PTPDC1: variants seen among roughly 807,000 people sequenced by gnomAD.
PTPDC1 encodes protein tyrosine phosphatase domain-containing protein 1.
A neutral mutation model predicts 75.3 loss-of-function variants in PTPDC1; 53 were observed. The ratio of observed to expected loss-of-function variants is 0.70; its 90% CI spans 0.56 to 0.88. The LOEUF is 0.88. Ranked by LOEUF, PTPDC1 falls within the 40% of genes least tolerant of loss-of-function variation. The pLI, the probability that PTPDC1 is intolerant of heterozygous loss-of-function variation, is 0.00. For missense variants in PTPDC1, 925 were observed against 998.6 expected (o/e 0.93, Z 0.99); for synonymous variants, 349 against 366.2 (o/e 0.95, Z 0.54).
chr9:94,050,489 T>C (rs577923011), intron 1 of PTPDC1, among the ~76,000 whole-genome samples: 2 of 152,246 alleles, frequency 1.3e-5, no homozygotes, highest in African/African-American at 4.8e-5. Context: ...CTCCAGACCC[T>C]GTTTGCCTGG....
chr9:94,106,544 A>C (rs1828030046), intron 8 of PTPDC1, among the ~76,000 whole-genome samples: 1 of 152,288 alleles, frequency 6.6e-6, no homozygotes, highest in African/African-American at 2.4e-5. Context: ...CCATGTGAAC[A>C]TGAAGCACAT....
chr9:94,095,822 T>A (rs898989619), intron 5 of PTPDC1, among the ~76,000 whole-genome samples: 1 of 152,142 alleles, frequency 6.6e-6, no homozygotes, highest in Non-Finnish European at 1.5e-5. Context: ...TCAAAAAAAA[T>A]TTTAAGATAT....
rs1315179170 is a variant in PTPDC1 at position 94,046,111 on chromosome 9, C to T, written c.-7+14984C>T. Among the ~76,000 whole-genome samples, 4 of 152,120 alleles carry T rather than the reference C, an allele frequency of 2.6e-5. No homozygotes were observed. In the East Asian group the frequency reaches 5.8e-4, roughly 22 times the overall value. Reference sequence around the variant, plus strand: ...ATTTATTAAATAGGGAATCCTTTCCCCATTGCTTGTTTTTGTCAGGTTTGT... The same window carrying T: ...ATTTATTAAATAGGGAATCCTTTCCTCATTGCTTGTTTTTGTCAGGTTTGT... On this transcript the variant is annotated intron_variant, in intron 1 of 9. Coordinates refer to the PTPDC1 transcript ENST00000375360.
chr9:94,051,181 C>T (rs1587848402), intron 1 of PTPDC1, among the ~76,000 whole-genome samples: 1 of 152,318 alleles, frequency 6.6e-6, no homozygotes, highest in East Asian at 1.9e-4. Context: ...ATGCCTCGCC[C>T]TGCTTCGGCT....
chr9:94,079,318 C>G (rs1481078655), intron 2 of PTPDC1, among the ~76,000 whole-genome samples: 1 of 152,204 alleles, frequency 6.6e-6, no homozygotes, highest in African/African-American at 2.4e-5. Flanking sequence ...CACTCTTTCC[C>G]TCTTCCACGA....
At chr9:94,064,376 ATAACT>A (rs935971555) in intron 1 of PTPDC1, among the ~76,000 whole-genome samples, 12 of 152,236 alleles carry the variant, frequency 7.9e-5, no homozygotes, top group South Asian at 2.1e-4. Flanking sequence ...GCACATAGAA[ATAACT>A]TAATAAGTAT....
At chr9:94,074,964 C>G (rs1826636548) in intron 2 of PTPDC1, among the ~76,000 whole-genome samples, 1 of 152,210 alleles carries the variant, frequency 6.6e-6, no homozygotes, top group African/African-American at 2.4e-5. Context: ...CAGGTCTCCA[C>G]TGGGTCCCAC....
rs1217629053 is a variant in PTPDC1, at chr9:94,095,352, G to C, written c.652G>C (p.Val218Leu). The C allele has an allele frequency of 6.2e-7, 1 of 1,612,124 alleles. No individual in the cohort carries two copies. The highest frequency in any genetic ancestry group is 1.1e-5 in the South Asian group (1 of 90,814). Residue 218 changes from valine (V) to leucine (L), a missense_variant, in exon 5 of 9, where the codon GTA (valine) becomes CTA (leucine). Transcript: ENST00000620992. ...CAATTTCGGATGGAAGGATTATGGT[G>C]TAGCGTCTCTTACTACTATCCTAGA... ...FYNFGWKDYGVASLTTILDMV... is the reference protein window; with the variant it reads ...FYNFGWKDYGLASLTTILDMV...
chr9:94,068,080 A>G (rs1260534083), intron 2 of PTPDC1, among the ~76,000 whole-genome samples: 1 of 152,034 alleles, frequency 6.6e-6, no homozygotes, highest in Non-Finnish European at 1.5e-5. Context: ...GATTTTTTTT[A>G]ATTAACAAGA....
intron 4 of PTPDC1, among the ~76,000 whole-genome samples, chr9:94,093,392 T>C (rs906460196): frequency 8.7e-5 from 13 of 149,012 alleles, no homozygotes; most frequent in Non-Finnish European, 1.5e-4. Context: ...TTCTTTTCTT[T>C]AAGAATGTTG....
chr9:94,059,814 C>G (rs962992943), intron 1 of PTPDC1, among the ~76,000 whole-genome samples: 3 of 152,092 alleles, frequency 2.0e-5, no homozygotes, highest in Non-Finnish European at 4.4e-5. Context: ...GTTTAATTAT[C>G]CCTAATGAAT....
intron 1 of PTPDC1, among the ~76,000 whole-genome samples, chr9:94,042,040 A>G (rs1372861100): frequency 6.6e-6 from 1 of 151,992 alleles, no homozygotes; most frequent in Non-Finnish European, 1.5e-5. Context: ...GATGTCTTAG[A>G]ATCTAACTGA....
At chr9:94,038,187 A>G (rs1022302910) in intron 1 of PTPDC1, 20 of 727,438 alleles carry the variant, frequency 2.7e-5, no homozygotes, top group African/African-American at 8.7e-5. Flanking sequence ...ACAGACGCCA[A>G]TAAAAACAAA....
rs1038152386 is a variant in PTPDC1, at chr9:94,104,389, G to A, written c.2310+4G>A. On this transcript the variant is annotated splice_donor_region_variant and intron_variant, in intron 8 of 8. Coordinates refer to ENST00000620992, the MANE Select transcript of PTPDC1 (RefSeq NM_001253829.2). Reference sequence around the variant, plus strand: ...TGCCATTAAGGCATTCACTAAGGTGGGTCATACTCTTCCTTTCCCCTCTCT... The same window carrying A: ...TGCCATTAAGGCATTCACTAAGGTGAGTCATACTCTTCCTTTCCCCTCTCT... The A allele has an allele frequency of 6.3e-7, 1 of 1,590,172 alleles. No individual in the cohort carries two copies. Among genetic ancestry groups the A allele is most frequent in the South Asian group, 1.1e-5 (1 of 90,256 alleles).
intron 2 of PTPDC1, among the ~76,000 whole-genome samples, chr9:94,066,219 T>C (rs1826301464): frequency 6.6e-6 from 1 of 152,232 alleles, no homozygotes; most frequent in South Asian, 2.1e-4. Context: ...CCACTAGGTA[T>C]GCTGATTTTT....
At chr9:94,072,197 G>T (rs1045475390) in intron 2 of PTPDC1, among the ~76,000 whole-genome samples, 2 of 152,070 alleles carry the variant, frequency 1.3e-5, no homozygotes, top group East Asian at 1.9e-4. Context: ...TAGCAGAGAC[G>T]GTTTCGCCAT....
chr9:94,043,806 T>A (rs1326136493), intron 1 of PTPDC1, among the ~76,000 whole-genome samples: 5 of 152,368 alleles, frequency 3.3e-5, no homozygotes, highest in African/African-American at 1.2e-4. Context: ...TTTCTGCATT[T>A]ATATTTAGGT....
At chr9:94,036,023 G>GTTTTTTTTTTTT (rs200873026) in intron 1 of PTPDC1, among the ~76,000 whole-genome samples, 4 of 85,558 alleles carry the variant, frequency 4.7e-5, no homozygotes, top group African/African-American at 1.0e-4. Context: ...CGGATTATTT[G>GTTTTTTTTTTTT]TTTTTTTTTT....
In PTPDC1 at chr9:94,107,965, T is replaced by A. The variant is rs1360588523; in HGVS notation, c.*21T>A. ...TCTAGCTTTCACTCGTGGTGAATAT[T>A]TCAGACCTAAAGATCCAGATAGTAT... On this transcript the variant is annotated 3_prime_UTR_variant, in exon 9 of 9. Transcript: ENST00000620992. The A allele has an allele frequency of 7.0e-7, 1 of 1,425,824 alleles. No individual in the cohort carries two copies. The highest frequency in any genetic ancestry group is 9.6e-7 in the Non-Finnish European group (1 of 1,041,676). The allele number at this position is 1,425,824 out of a possible 1,614,324, so 88.3% of individuals were successfully genotyped here.
Sources: allele counts gnomAD v4.1 joint callset (sites outside exome capture counted in the v4.1 genomes callset), GRCh38; gene constraint gnomAD v4.1.1; transcripts MANE v1.5; gene names NCBI Gene and HGNC (gene_info 2026-07-23, HGNC 2026-07-21).